Variants in PPM1E observed in about 807,000 individuals in gnomAD.
The protein encoded by PPM1E is protein phosphatase 1E.
Under a neutral mutation model 65.9 loss-of-function variants are expected in PPM1E, and 20 were observed. That is an observed-to-expected ratio of 0.30 (90% CI 0.21 to 0.44). PPM1E has a LOEUF of 0.44. Among genes scored for constraint, PPM1E ranks in the 20% least tolerant of loss-of-function variants. The pLI is 1.00. For synonymous variants in PPM1E, 352 were observed against 374.9 expected (o/e 0.94, Z 0.70); for missense variants, 713 against 953.1 (o/e 0.75, Z 3.32).
At chr17:58,924,554 A>T (rs2051799375) in intron 1 of PPM1E, among the ~76,000 whole-genome samples, 1 of 151,962 alleles carries the variant, frequency 6.6e-6, no homozygotes. Flanking sequence ...CAATAGCATG[A>T]GTTTCTTTTT....
At position 58,980,329 on chromosome 17, in the gene PPM1E, T is replaced by C; in HGVS notation, c.1566T>C (p.His522=). ...QEDGGDDKEN[H]GECKRPWPQH... is the part of the protein sequence containing the mutation. ...ATGGTGGGGATGATAAGGAGAATCA[T>C]GGAGAGTGCAAACGCCCTTGGCCTC... The change falls in exon 7 of 7, where the codon CAT becomes CAC. Residue 522 remains histidine, a synonymous_variant. Coordinates refer to ENST00000308249, the MANE Select transcript of PPM1E (RefSeq NM_014906.5). The surrounding 1 kb of genome is among the most constrained non-coding windows in gnomAD (Gnocchi z 4.7). 2 of 1,614,116 alleles carry C rather than the reference T, an allele frequency of 1.2e-6. No homozygotes were observed. Among genetic ancestry groups the C allele is most frequent in the Non-Finnish European group, 1.7e-6 (2 of 1,180,012 alleles).
At chr17:58,804,468 T>G (rs1481611223) in intron 1 of PPM1E, among the ~76,000 whole-genome samples, 10 of 152,176 alleles carry the variant, frequency 6.6e-5, no homozygotes, top group Non-Finnish European at 1.5e-4. Context: ...TTTAGTGAAT[T>G]ATGAGTTCTC....
chr17:58,938,787 C>CTTTTTT (rs565049669), intron 1 of PPM1E, among the ~76,000 whole-genome samples: 3 of 125,164 alleles, frequency 2.4e-5, no homozygotes, highest in Non-Finnish European at 3.4e-5. Flanking sequence ...TACACTAATT[C>CTTTTTT]TTTTTTTTTT....
At chr17:58,801,954 C>T (rs2050262837) in intron 1 of PPM1E, among the ~76,000 whole-genome samples, 1 of 151,988 alleles carries the variant, frequency 6.6e-6, no homozygotes, top group Non-Finnish European at 1.5e-5. Flanking sequence ...GACAGGGTTT[C>T]ACTATGTTTG....
At chr17:58,975,684 A>G (rs557625667) in intron 6 of PPM1E, among the ~76,000 whole-genome samples, 2 of 152,326 alleles carry the variant, frequency 1.3e-5, no homozygotes, top group East Asian at 3.9e-4. Context: ...GGAGTGGTAG[A>G]TTAGCAGTGT....
chr17:58,908,575 G>A (rs1272057934), intron 1 of PPM1E, among the ~76,000 whole-genome samples: 1 of 151,942 alleles, frequency 6.6e-6, no homozygotes, highest in East Asian at 1.9e-4. Context: ...GAATAGCTGG[G>A]ATTATAGACG....
At chr17:58,882,276 T>G (rs2051204718) in intron 1 of PPM1E, among the ~76,000 whole-genome samples, 1 of 152,222 alleles carries the variant, frequency 6.6e-6, no homozygotes, top group Non-Finnish European at 1.5e-5. Flanking sequence ...CTTTGATGTT[T>G]CATTCAAAAT....
intron 1 of PPM1E, among the ~76,000 whole-genome samples, chr17:58,926,378 G>C (rs2051824296): frequency 2.0e-5 from 3 of 150,514 alleles, no homozygotes; most frequent in Admixed American, 1.3e-4. Flanking sequence ...TGGTTGATTG[G>C]TTGTCTCTGA....
chr17:58,807,758 G>T (rs994021618), intron 1 of PPM1E, among the ~76,000 whole-genome samples: 5 of 152,048 alleles, frequency 3.3e-5, no homozygotes, highest in Admixed American at 2.0e-4. Context: ...TTCACAAAGA[G>T]AAAACACGAA....
chr17:58,942,859 C>T (rs1206390841), intron 1 of PPM1E, among the ~76,000 whole-genome samples: 1 of 151,454 alleles, frequency 6.6e-6, no homozygotes, highest in Admixed American at 6.6e-5. Flanking sequence ...ATTTGAGTAT[C>T]TTAAAAAGAT....
intron 1 of PPM1E, among the ~76,000 whole-genome samples, chr17:58,830,289 G>GTTATTA (rs1266465673): frequency 7.4e-5 from 9 of 121,084 alleles, no homozygotes; most frequent in South Asian, 2.7e-4. Context: ...TGTTGTTGTT[G>GTTATTA]TTGTTATTAT....
At chr17:58,910,963 A>G (rs2051620557) in intron 1 of PPM1E, among the ~76,000 whole-genome samples, 1 of 151,934 alleles carries the variant, frequency 6.6e-6, no homozygotes, top group Non-Finnish European at 1.5e-5. Flanking sequence ...TCTGATACTC[A>G]CTGTGATGAC....
chr17:58,972,945 G>A lies in PPM1E; in HGVS notation c.1210+20G>A, dbSNP rs2143739632. 6 of 1,591,034 alleles carry A rather than the reference G, an allele frequency of 3.8e-6. No individual in the cohort carries two copies. Among genetic ancestry groups the A allele is most frequent in the African/African-American group, 1.3e-5 (1 of 74,226 alleles). On this transcript the variant is annotated intron_variant, in intron 6 of 6. Coordinates refer to ENST00000308249, the MANE Select transcript of PPM1E (RefSeq NM_014906.5). ...CTATTGGTAGGAAAAACAAATTTTT[G>A]TTTCTCCAAACTGTCCTCTTCTAGC... is the stretch of plus-strand genomic sequence containing the variant.
At chr17:58,774,161 C>G (rs1346984984) in intron 1 of PPM1E, among the ~76,000 whole-genome samples, 1 of 143,762 alleles carries the variant, frequency 7.0e-6, no homozygotes, top group Non-Finnish European at 1.5e-5. Flanking sequence ...AAACTCTGTC[C>G]CCCCCCCCCA....
At chr17:58,903,236 G>A (rs1335588192) in intron 1 of PPM1E, among the ~76,000 whole-genome samples, 1 of 152,128 alleles carries the variant, frequency 6.6e-6, no homozygotes, top group African/African-American at 2.4e-5. Flanking sequence ...TGAACCCCCA[G>A]TAACTACAGT....
chr17:58,784,170 G>A (rs1944182892), intron 1 of PPM1E, among the ~76,000 whole-genome samples: 1 of 150,720 alleles, frequency 6.6e-6, no homozygotes, highest in South Asian at 2.1e-4. Flanking sequence ...TTACAGGTAC[G>A]CACCACCACA....
chr17:58,837,499 CTTT>C (rs570230875), intron 1 of PPM1E, among the ~76,000 whole-genome samples: 5 of 131,268 alleles, frequency 3.8e-5, no homozygotes, highest in Admixed American at 7.7e-5. Context: ...AATCATGAGG[CTTT>C]TTTTTTTTTT....
intron 1 of PPM1E, among the ~76,000 whole-genome samples, chr17:58,826,452 C>T (rs964736277): frequency 6.6e-6 from 1 of 151,914 alleles, no homozygotes; most frequent in Non-Finnish European, 1.5e-5. Context: ...GTTATGGCAA[C>T]TAAAATTCAG....
At chr17:58,937,687 C>T (rs2052001968) in intron 1 of PPM1E, among the ~76,000 whole-genome samples, 2 of 149,016 alleles carry the variant, frequency 1.3e-5, no homozygotes, top group Non-Finnish European at 3.0e-5. Context: ...CCATCCTGGC[C>T]AAGGTGGTGA....
Sources: gnomAD v4.1 joint callset for allele counts (sites outside exome capture counted in the v4.1 genomes callset) on GRCh38, gnomAD v4.1.1 for gene constraint, Gnocchi (gnomAD v3.1) non-coding constraint, MANE v1.5 for transcripts, NCBI Gene and HGNC (gene_info 2026-07-23, HGNC 2026-07-21) for gene names.